Variants in SCD5 observed in about 807,000 individuals in gnomAD.
The protein encoded by SCD5 is stearoyl-CoA desaturase 5, also known as acyl-CoA-desaturase 4.
SCD5 carries 20 observed loss-of-function variants against 30.4 expected under a neutral mutation model. That is an observed-to-expected ratio of 0.66 (90% CI 0.46 to 0.96). The LOEUF (loss-of-function observed/expected upper bound fraction) is 0.96, where lower values mean the gene tolerates loss of function less well. Ranked by LOEUF, SCD5 falls within the 40% of genes least tolerant of loss-of-function variation. The probability of loss-of-function intolerance (pLI) is 0.00; values close to 1 mark genes in which losing one functional copy is unlikely to be tolerated. For missense variants in SCD5, 381 were observed against 443.3 expected (o/e 0.86, Z 1.26); for synonymous variants, 173 against 176.4 (o/e 0.98, Z 0.16).
At chr4:82,713,930 C>T (rs913740537) in intron 1 of SCD5, among the ~76,000 whole-genome samples, 40 of 152,190 alleles carry the variant, frequency 2.6e-4, no homozygotes, top group African/African-American at 8.2e-4. Context: ...CCCCAGGCTC[C>T]GCCACCTCTA....
chr4:82,740,203 G>A (rs932658995), intron 1 of SCD5, among the ~76,000 whole-genome samples: 2 of 152,204 alleles, frequency 1.3e-5, no homozygotes, highest in Admixed American at 1.3e-4. Context: ...AAAGTAGAGC[G>A]GAGACATGGA....
At chr4:82,672,505 A>C (rs1408692665) in intron 3 of SCD5, among the ~76,000 whole-genome samples, 2 of 152,136 alleles carry the variant, frequency 1.3e-5, no homozygotes, top group Non-Finnish European at 2.9e-5. Context: ...AAAATAGACA[A>C]TCTAAATAGG....
At chr4:82,727,953 C>T (rs1720542986) in intron 1 of SCD5, among the ~76,000 whole-genome samples, 1 of 152,112 alleles carries the variant, frequency 6.6e-6, no homozygotes, top group African/African-American at 2.4e-5. Context: ...AGTGATCTGC[C>T]CGCCTCGGCC....
At chr4:82,646,907 C>G (rs547824477) in intron 3 of SCD5, among the ~76,000 whole-genome samples, 4 of 152,212 alleles carry the variant, frequency 2.6e-5, no homozygotes, top group Non-Finnish European at 5.9e-5. Context: ...ACTGCAACCT[C>G]CGCTTCCTGG....
chr4:82,664,713 G>A (rs1214772380), intron 3 of SCD5, among the ~76,000 whole-genome samples: 1 of 152,074 alleles, frequency 6.6e-6, no homozygotes, highest in Non-Finnish European at 1.5e-5. Flanking sequence ...GAAAGAATTA[G>A]TAAACTTGAA....
intron 4 of SCD5, among the ~76,000 whole-genome samples, chr4:82,634,076 A>G (rs1407574871): frequency 1.3e-5 from 2 of 152,258 alleles, no homozygotes; most frequent in African/African-American, 4.8e-5. Flanking sequence ...TGTATCAAGT[A>G]TCAGATCTTC....
chr4:82,749,994 T>G lies in SCD5; in HGVS notation c.233-44581A>C, dbSNP rs999597979. On this transcript the variant is annotated intron_variant, in intron 1 of 4. Transcript: ENST00000319540. ...GGTTCAAATCCCAGCTCTACGTTTA[T>G]TAGCTGTATAACTGTAGCAAGTTAC... is the stretch of plus-strand genomic sequence containing the variant. 3.3e-5 allele frequency among the ~76,000 whole-genome samples: 5 copies of G among 152,248 alleles called. No homozygotes were observed. In the South Asian group the frequency reaches 1.0e-3, roughly 31 times the overall value.
intron 2 of SCD5, among the ~76,000 whole-genome samples, chr4:82,700,035 G>A (rs760353795): frequency 6.6e-6 from 1 of 151,722 alleles, no homozygotes; most frequent in Non-Finnish European, 1.5e-5. Context: ...TGACCAACAC[G>A]GTGAAACCTT....
intron 2 of SCD5, among the ~76,000 whole-genome samples, chr4:82,704,729 T>C (rs1239625125): frequency 6.6e-6 from 1 of 152,218 alleles, no homozygotes; most frequent in Non-Finnish European, 1.5e-5. Context: ...GAATAGTCTT[T>C]CCACCATGAC....
intron 1 of SCD5, among the ~76,000 whole-genome samples, chr4:82,723,227 T>C (rs901446042): frequency 6.6e-6 from 1 of 152,200 alleles, no homozygotes; most frequent in African/African-American, 2.4e-5. Flanking sequence ...CACTAGGGGC[T>C]CTCTGTTCTT....
In SCD5 at chr4:82,630,530, A is replaced by T. The variant is rs991696733; in HGVS notation, c.*797T>A. 1 of 152,244 alleles carries T rather than the reference A, an allele frequency of 6.6e-6. No individual in the cohort carries two copies. Among genetic ancestry groups the T allele is most frequent in the African/African-American group, 2.4e-5 (1 of 41,460 alleles). The allele number at this position is 152,244 out of a possible 1,614,324, so 9.4% of individuals were successfully genotyped here. A position where few individuals can be genotyped will look rare whatever the true frequency, so the allele number is the denominator to read the frequency against. On this transcript the variant is annotated 3_prime_UTR_variant, in exon 5 of 5. Coordinates refer to ENST00000319540, the MANE Select transcript of SCD5 (RefSeq NM_001037582.3). ...TCCTGAACTACACTGAAAGAATATTACTTTCCTTCATCCTGTCAGGGTTAG... is the reference window on the plus strand; with the variant it reads ...TCCTGAACTACACTGAAAGAATATTTCTTTCCTTCATCCTGTCAGGGTTAG...
At chr4:82,655,601 G>T (rs1727853235) in intron 3 of SCD5, among the ~76,000 whole-genome samples, 1 of 152,192 alleles carries the variant, frequency 6.6e-6, no homozygotes, top group Non-Finnish European at 1.5e-5. Context: ...GCCAAGTGTT[G>T]CAGGGGGCTC....
intron 2 of SCD5, chr4:82,691,809 T>G (rs1364486235): frequency 6.5e-6 from 1 of 152,974 alleles, no homozygotes; most frequent in African/African-American, 2.4e-5. Context: ...GCTGGGGCCA[T>G]GGTCTTTGGA....
intron 3 of SCD5, among the ~76,000 whole-genome samples, chr4:82,679,188 G>C (rs1173195850): frequency 9.1e-6 from 1 of 109,410 alleles, no homozygotes; most frequent in Non-Finnish European, 1.8e-5. Context: ...GACAGAGTGA[G>C]ACTCCATCTC....
chr4:82,646,275 T>C (rs1269487457), intron 3 of SCD5, among the ~76,000 whole-genome samples: 1 of 152,220 alleles, frequency 6.6e-6, no homozygotes, highest in African/African-American at 2.4e-5. Context: ...ATGTGGATGC[T>C]TAGTAAACAC....
At chr4:82,762,876 C>T (rs1212903521) in intron 1 of SCD5, among the ~76,000 whole-genome samples, 1 of 152,222 alleles carries the variant, frequency 6.6e-6, no homozygotes, top group Non-Finnish European at 1.5e-5. Flanking sequence ...GTAGAAGCAA[C>T]TCAGGATTCT....
chr4:82,695,161 G>A (rs1719672918), intron 2 of SCD5, among the ~76,000 whole-genome samples: 1 of 152,114 alleles, frequency 6.6e-6, no homozygotes, highest in Admixed American at 6.5e-5. Flanking sequence ...TGGACACAGA[G>A]GACTGGTGTG....
At chr4:82,772,402 C>A (rs1215275020) in intron 1 of SCD5, among the ~76,000 whole-genome samples, 1 of 152,200 alleles carries the variant, frequency 6.6e-6, no homozygotes, top group Non-Finnish European at 1.5e-5. Context: ...AATTATAGCA[C>A]CCCACCGTTC....
At chr4:82,713,630 G>A (rs1251785758) in intron 1 of SCD5, among the ~76,000 whole-genome samples, 1 of 152,172 alleles carries the variant, frequency 6.6e-6, no homozygotes, top group African/African-American at 2.4e-5. Flanking sequence ...GGAGGGCAGG[G>A]ATTGTGTCTG....
Sources: gnomAD v4.1 joint callset for allele counts (sites outside exome capture counted in the v4.1 genomes callset) on GRCh38, gnomAD v4.1.1 for gene constraint, MANE v1.5 for transcripts, NCBI Gene and HGNC (gene_info 2026-07-23, HGNC 2026-07-21) for gene names.